CSGALNACT1: variants seen among roughly 807,000 people sequenced by gnomAD.
CSGALNACT1 encodes the protein chondroitin sulfate N-acetylgalactosaminyltransferase 1.
Under a neutral mutation model 51.0 loss-of-function variants are expected in CSGALNACT1, and 52 were observed. That is an observed-to-expected ratio of 1.02 (90% CI 0.82 to 1.29). The LOEUF (loss-of-function observed/expected upper bound fraction) is 1.29. Ranked by LOEUF, CSGALNACT1 falls within the 50% of genes most tolerant of loss-of-function variation. The pLI is 0.00. For synonymous variants in CSGALNACT1, 341 were observed against 254.4 expected (o/e 1.34, Z -3.24); for missense variants, 935 against 679.2 (o/e 1.38, Z -4.19).
At position 19,582,211 on chromosome 8, in the gene CSGALNACT1, T is replaced by C. The variant is rs557131649; in HGVS notation, c.-297+8949A>G. The stretch of plus-strand genomic sequence containing the variant: ...TTCCTCCATTCACTGGGATTTTAAA[T>C]ACTGTCCTGGTGAATGCAGCATATT... On this transcript the variant is annotated intron_variant, in intron 3 of 9. Transcript: ENST00000454498. Among the ~76,000 whole-genome samples, 9 of 152,342 alleles carry C rather than the reference T, an allele frequency of 5.9e-5. No homozygotes were observed. The South Asian group carries it at 1.9e-3, about 32-fold the overall frequency.
At chr8:19,707,527 C>T (rs748319951) in intron 1 of CSGALNACT1, among the ~76,000 whole-genome samples, 1 of 152,064 alleles carries the variant, frequency 6.6e-6, no homozygotes, top group Non-Finnish European at 1.5e-5. Context: ...CAGTACATGC[C>T]TAGAGTAAAA....
chr8:19,727,573 A>G (rs1027229853), intron 1 of CSGALNACT1, among the ~76,000 whole-genome samples: 1 of 152,064 alleles, frequency 6.6e-6, no homozygotes, highest in Non-Finnish European at 1.5e-5. Context: ...CTGGTCTCGA[A>G]CTCCTGGGCT....
At chr8:19,468,914 G>T (rs2067373277) in intron 4 of CSGALNACT1, among the ~76,000 whole-genome samples, 1 of 152,134 alleles carries the variant, frequency 6.6e-6, no homozygotes, top group Non-Finnish European at 1.5e-5. Context: ...CAGGATGCAG[G>T]CTCAGGATAT....
At chr8:19,492,197 A>G (rs779476921) in intron 4 of CSGALNACT1, among the ~76,000 whole-genome samples, 2 of 152,236 alleles carry the variant, frequency 1.3e-5, no homozygotes, top group Non-Finnish European at 2.9e-5. Context: ...TTCTTTTCAG[A>G]GAAGCACGTA....
intron 1 of CSGALNACT1, among the ~76,000 whole-genome samples, chr8:19,635,177 G>A (rs961763812): frequency 1.8e-4 from 27 of 152,212 alleles, no homozygotes; most frequent in African/African-American, 6.0e-4. Flanking sequence ...GGGACCAGGA[G>A]GAGAGGGAGG....
At chr8:19,441,921 C>T (rs1215926157) in intron 5 of CSGALNACT1, among the ~76,000 whole-genome samples, 3 of 152,184 alleles carry the variant, frequency 2.0e-5, no homozygotes, top group Admixed American at 1.3e-4. Flanking sequence ...TATGAACAGA[C>T]ACTTCTCAAA....
chr8:19,484,948 C>G (rs2072482835), intron 4 of CSGALNACT1, among the ~76,000 whole-genome samples: 1 of 152,026 alleles, frequency 6.6e-6, no homozygotes, highest in Non-Finnish European at 1.5e-5. Flanking sequence ...GGGGGTGGTC[C>G]TATGCAAGCC....
At chr8:19,491,302 A>G (rs1345552067) in intron 4 of CSGALNACT1, among the ~76,000 whole-genome samples, 2 of 152,202 alleles carry the variant, frequency 1.3e-5, no homozygotes, top group African/African-American at 4.8e-5. Context: ...TTAGACAACT[A>G]ATTGCTTCTC....
At chr8:19,448,826 G>C (rs1299943367) in intron 5 of CSGALNACT1, among the ~76,000 whole-genome samples, 1 of 152,202 alleles carries the variant, frequency 6.6e-6, no homozygotes. Context: ...CCATGCAAAT[G>C]AAATGACATG....
chr8:19,583,871 C>T (rs1359272629), intron 3 of CSGALNACT1, among the ~76,000 whole-genome samples: 2 of 152,102 alleles, frequency 1.3e-5, no homozygotes, highest in African/African-American at 2.4e-5. Context: ...ATCTGTTGCC[C>T]ACATACTCAT....
intron 5 of CSGALNACT1, among the ~76,000 whole-genome samples, chr8:19,445,999 A>G (rs1352167244): frequency 6.6e-6 from 1 of 152,076 alleles, no homozygotes; most frequent in Admixed American, 6.6e-5. Flanking sequence ...ACATGGTGAA[A>G]CCCCATGTCT....
chr8:19,502,538 T>C (rs970814021), intron 4 of CSGALNACT1, among the ~76,000 whole-genome samples: 3 of 152,206 alleles, frequency 2.0e-5, no homozygotes, highest in African/African-American at 4.8e-5. Context: ...TACTACTACA[T>C]GGTTCACCAA....
At chr8:19,534,053 T>A (rs2083292182) in intron 3 of CSGALNACT1, among the ~76,000 whole-genome samples, 1 of 152,148 alleles carries the variant, frequency 6.6e-6, no homozygotes, top group Non-Finnish European at 1.5e-5. Context: ...AATCTAAATT[T>A]AAAATAAGTA....
chr8:19,473,332 T>C (rs1251675399), intron 4 of CSGALNACT1, among the ~76,000 whole-genome samples: 1 of 152,220 alleles, frequency 6.6e-6, no homozygotes, highest in Non-Finnish European at 1.5e-5. Flanking sequence ...CGAAAGCCCT[T>C]TGTCACTTAC....
intron 1 of CSGALNACT1, among the ~76,000 whole-genome samples, chr8:19,620,134 G>A (rs1166118593): frequency 6.6e-6 from 1 of 151,852 alleles, no homozygotes; most frequent in Non-Finnish European, 1.5e-5. Flanking sequence ...CCAATGTGGG[G>A]AAACCCCGTC....
At chr8:19,578,591 C>T (rs2154119088) in intron 3 of CSGALNACT1, among the ~76,000 whole-genome samples, 1 of 152,302 alleles carries the variant, frequency 6.6e-6, no homozygotes, top group Middle Eastern at 3.4e-3. Context: ...ATCCTACCAT[C>T]CCTGTATTCG....
chr8:19,706,795 T>C (rs1223747436), intron 1 of CSGALNACT1, among the ~76,000 whole-genome samples: 3 of 152,070 alleles, frequency 2.0e-5, no homozygotes, highest in African/African-American at 7.2e-5. Context: ...GGCTACATTT[T>C]TTTAAATCTT....
At chr8:19,567,432 A>G (rs1312988652) in intron 3 of CSGALNACT1, among the ~76,000 whole-genome samples, 1 of 152,254 alleles carries the variant, frequency 6.6e-6, no homozygotes, top group African/African-American at 2.4e-5. Flanking sequence ...TGTGACAGAC[A>G]AAGTGTATGA....
At chr8:19,754,527 T>G (rs2065237214) in intron 1 of CSGALNACT1, among the ~76,000 whole-genome samples, 1 of 152,186 alleles carries the variant, frequency 6.6e-6, no homozygotes, top group East Asian at 1.9e-4. Context: ...ATTTTCAAAG[T>G]TTAAAAAAGC....
Sources: gnomAD v4.1 joint callset for allele counts (sites outside exome capture counted in the v4.1 genomes callset) on GRCh38, gnomAD v4.1.1 for gene constraint, MANE v1.5 for transcripts, NCBI Gene and HGNC (gene_info 2026-07-23, HGNC 2026-07-21) for gene names.